CBFA2T2: variants seen among roughly 807,000 people sequenced by gnomAD.
The protein encoded by CBFA2T2 is CBFA2/RUNX1 partner transcriptional co-repressor 2, also known as protein CBFA2T2.
Under a neutral mutation model 62.2 loss-of-function variants are expected in CBFA2T2, and 11 were observed. That is an observed-to-expected ratio of 0.18 (90% CI 0.11 to 0.29). CBFA2T2 has a LOEUF of 0.29. CBFA2T2 is among the 10% of genes least tolerant of loss of function. The pLI, the probability that CBFA2T2 is intolerant of heterozygous loss-of-function variation, is 1.00. For synonymous variants in CBFA2T2, 295 were observed against 287.5 expected, an observed-to-expected ratio of 1.03 and a Z score of -0.27; for missense variants, 592 against 774.1, an observed-to-expected ratio of 0.76 and a Z score of 2.79.
intron 6 of CBFA2T2, among the ~76,000 whole-genome samples, chr20:33,627,400 G>A (rs569951160): frequency 1.3e-5 from 2 of 152,000 alleles, no homozygotes; most frequent in East Asian, 3.9e-4. Context: ...CGTCAAGGGG[G>A]GGGAAAAAAA....
intron 1 of CBFA2T2, among the ~76,000 whole-genome samples, chr20:33,505,023 A>G (rs994033780): frequency 6.6e-6 from 1 of 152,320 alleles, no homozygotes; most frequent in African/African-American, 2.4e-5. Flanking sequence ...TTTGTGTATC[A>G]GAACAATTTT....
At chr20:33,553,942 A>G (rs1201818943) in intron 1 of CBFA2T2, among the ~76,000 whole-genome samples, 1 of 152,084 alleles carries the variant, frequency 6.6e-6, no homozygotes, top group South Asian at 2.1e-4. Context: ...ACTAGTAGGC[A>G]TATGCTTTTG....
chr20:33,606,218 A>G (rs933691436), intron 1 of CBFA2T2, among the ~76,000 whole-genome samples: 10 of 152,090 alleles, frequency 6.6e-5, no homozygotes, highest in African/African-American at 2.4e-4. Flanking sequence ...TTCACCCCTA[A>G]TAATTTGATT....
At chr20:33,493,421 G>T (rs1341501446) in intron 1 of CBFA2T2, among the ~76,000 whole-genome samples, 1 of 152,276 alleles carries the variant, frequency 6.6e-6, no homozygotes, top group African/African-American at 2.4e-5. Flanking sequence ...GAATATAGGA[G>T]TTCAGTCTTA....
At chr20:33,616,171 A>G (rs1171817538) in intron 3 of CBFA2T2, among the ~76,000 whole-genome samples, 1 of 152,184 alleles carries the variant, frequency 6.6e-6, no homozygotes, top group African/African-American at 2.4e-5. Flanking sequence ...ATAGATATAG[A>G]TACATACATA....
chr20:33,516,993 G>A (rs549236021), intron 1 of CBFA2T2, among the ~76,000 whole-genome samples: 1 of 152,310 alleles, frequency 6.6e-6, no homozygotes, highest in African/African-American at 2.4e-5. Context: ...CTTTAGTAGT[G>A]AGATCACACC....
At chr20:33,537,024 G>C (rs1325894670) in intron 1 of CBFA2T2, among the ~76,000 whole-genome samples, 1 of 151,796 alleles carries the variant, frequency 6.6e-6, no homozygotes, top group Non-Finnish European at 1.5e-5. Flanking sequence ...AGGCAGAGGG[G>C]CTCCTCACGT....
chr20:33,616,087 A>G (rs922809236), intron 3 of CBFA2T2, among the ~76,000 whole-genome samples: 1 of 117,858 alleles, frequency 8.5e-6, no homozygotes, highest in Non-Finnish European at 1.8e-5. Flanking sequence ...AGAGATAGAT[A>G]GATAGATAGA....
rs1398409794 is a variant in CBFA2T2, at chr20:33,642,110, TTTTTTTTGTGTGTGTG to T, written c.1488+1581_1488+1596del. On this transcript the variant is annotated intron_variant, in intron 10 of 10. Coordinates refer to ENST00000342704, the MANE Select transcript of CBFA2T2 (RefSeq NM_001032999.3). ...GTTCTCTCCTCCTCCTTTGTCTTTT[TTTTTTTTGTGTGTGTG>T]TGTGTGTGTGTGTGTGTGTGTGTGT... Among the ~76,000 whole-genome samples, 482 of 77,044 alleles carry T rather than the reference TTTTTTTTGTGTGTGTG, an allele frequency of 6.3e-3. 5 individuals are homozygous for T. Among genetic ancestry groups the T allele is most frequent in the African/African-American group, 0.033 (315 of 9,458 alleles). 50.5% of individuals were successfully genotyped at this position (77,044 alleles called of 152,430 possible).
chr20:33,604,851 C>A (rs1191597738), intron 1 of CBFA2T2, among the ~76,000 whole-genome samples: 1 of 152,190 alleles, frequency 6.6e-6, no homozygotes, highest in Non-Finnish European at 1.5e-5. Flanking sequence ...AGCTGGGCCC[C>A]AGATGGAAGA....
chr20:33,596,717 C>T (rs1462775075), intron 1 of CBFA2T2, among the ~76,000 whole-genome samples: 2 of 152,122 alleles, frequency 1.3e-5, no homozygotes, highest in Non-Finnish European at 2.9e-5. Context: ...ACTTTCCCAC[C>T]CCAGGCCTCA....
At chr20:33,609,545 C>T (rs1480591416) in intron 2 of CBFA2T2, among the ~76,000 whole-genome samples, 1 of 151,966 alleles carries the variant, frequency 6.6e-6, no homozygotes, top group Non-Finnish European at 1.5e-5. Context: ...ATAGGCAGCA[C>T]AGAGATGTAG....
intron 9 of CBFA2T2, among the ~76,000 whole-genome samples, chr20:33,637,269 G>A (rs943747559): frequency 7.2e-5 from 11 of 152,158 alleles, no homozygotes; most frequent in African/African-American, 2.6e-4. Context: ...CCAAATATTG[G>A]CATTCTTTCA....
At chr20:33,504,403 C>CTTTTTTTTT (rs533648842) in intron 1 of CBFA2T2, among the ~76,000 whole-genome samples, 2 of 117,550 alleles carry the variant, frequency 1.7e-5, no homozygotes. Context: ...TCATATTTAA[C>CTTTTTTTTT]TTTTTTTTTT....
chr20:33,613,011 C>T (rs974869398), intron 3 of CBFA2T2, among the ~76,000 whole-genome samples: 34 of 152,146 alleles, frequency 2.2e-4, no homozygotes, highest in African/African-American at 8.2e-4. Context: ...TCCTTGGGCC[C>T]AGGAAAGCTA....
chr20:33,612,204 G>A (rs909096746), intron 3 of CBFA2T2, among the ~76,000 whole-genome samples: 8 of 152,304 alleles, frequency 5.3e-5, no homozygotes, highest in African/African-American at 1.9e-4. Context: ...TGGTGAACCT[G>A]TGGCATAAAG....
chr20:33,525,756 A>T (rs553491535), intron 1 of CBFA2T2, among the ~76,000 whole-genome samples: 1 of 152,062 alleles, frequency 6.6e-6, no homozygotes, highest in African/African-American at 2.4e-5. Flanking sequence ...GGCTCAAGCA[A>T]TTCTCCCACT....
intron 1 of CBFA2T2, among the ~76,000 whole-genome samples, chr20:33,593,008 C>T (rs1300941200): frequency 2.0e-5 from 3 of 152,120 alleles, no homozygotes; most frequent in Non-Finnish European, 4.4e-5. Flanking sequence ...CATCCTCCCC[C>T]ATACACACAG....
In CBFA2T2 at chr20:33,640,482, C is replaced by T; in HGVS notation, c.1439C>T (p.Ala480Val). The T allele has an allele frequency of 6.2e-7, 1 of 1,614,236 alleles. No individual in the cohort carries two copies. ...ACCATAGCGGATGTCAAGCGGCAGG[C>T]CGCAGAGGATGCTTTCCTCGTCATC... Reference protein sequence around the residue: ...EQTIADVKRQAAEDAFLVINE... With the variant: ...EQTIADVKRQVAEDAFLVINE... The change falls in exon 10 of 11, where the codon GCC becomes GTC. Residue 480 changes from alanine (A) to valine (V), a missense_variant. Transcript: ENST00000342704.
Sources: allele counts gnomAD v4.1 joint callset (sites outside exome capture counted in the v4.1 genomes callset), GRCh38; gene constraint gnomAD v4.1.1; transcripts MANE v1.5; gene names NCBI Gene and HGNC (gene_info 2026-07-23, HGNC 2026-07-21).